The following RIMS1 variants were observed in gnomAD, a reference collection of about 807,000 sequenced individuals.
RIMS1 encodes the protein regulating synaptic membrane exocytosis 1, also known as regulating synaptic membrane exocytosis protein 1.
In RIMS1, 83 loss-of-function variants were observed where a neutral mutation model predicts 214.1. The ratio of observed to expected loss-of-function variants is 0.39; its 90% CI spans 0.32 to 0.47. RIMS1 has a LOEUF of 0.47. Ranked by LOEUF, RIMS1 falls within the 20% of genes least tolerant of loss-of-function variation. RIMS1 has a pLI of 0.99. For synonymous variants in RIMS1, 793 were observed against 786.8 expected (o/e 1.01, Z -0.13); for missense variants, 2,050 against 2,161.8 (o/e 0.95, Z 1.03).
chr6:72,340,877 A>G (rs995117197), intron 29 of RIMS1, among the ~76,000 whole-genome samples: 2 of 152,028 alleles, frequency 1.3e-5, no homozygotes, highest in African/African-American at 2.4e-5. Flanking sequence ...CTTGGGCAGT[A>G]TGGCCATTTT....
In RIMS1 at chr6:72,166,067, G is replaced by A. The variant is rs150374204; in HGVS notation, c.472-13508G>A. On this transcript the variant is annotated intron_variant, in intron 4 of 33. Transcript: ENST00000521978. ...TTCTCACAGTTCTGGAGACTGAGAA[G>A]TCCAATAACAAGGTGCCAACAGGGT... 2.5e-4 allele frequency among the ~76,000 whole-genome samples: 38 copies of A among 152,308 alleles called. 1 individual carries two copies. In the East Asian group the frequency reaches 6.4e-3, roughly 26 times the overall value.
intron 2 of RIMS1, among the ~76,000 whole-genome samples, chr6:72,008,493 T>C (rs1246354932): frequency 6.6e-6 from 1 of 152,154 alleles, no homozygotes; most frequent in Non-Finnish European, 1.5e-5. Flanking sequence ...TCAATGTAAA[T>C]GGGCTAAATG....
intron 2 of RIMS1, among the ~76,000 whole-genome samples, chr6:72,055,482 A>G (rs768192541): frequency 6.6e-6 from 1 of 152,134 alleles, no homozygotes; most frequent in Non-Finnish European, 1.5e-5. Flanking sequence ...TTCTCTTCCT[A>G]TTTAGATGCT....
rs1276047079 is a variant in RIMS1, at chr6:72,182,854, C to T, written c.1383C>T (p.Ala461=). Residue 461 remains alanine, a synonymous_variant, in exon 6 of 34, where the codon GCC becomes GCT. Coordinates refer to ENST00000521978, the MANE Select transcript of RIMS1 (RefSeq NM_014989.7). The part of the protein sequence containing the change: ...APRHGPVPAE[A]PELKAQEPLR... ...GACATGGGCCGGTTCCCGCAGAAGC[C>T]CCGGAGCTCAAAGCCCAGGAGCCCC... 3.6e-5 allele frequency: 56 copies of T among 1,556,730 alleles called. No homozygotes were observed. Among genetic ancestry groups the T allele is most frequent in the Non-Finnish European group, 4.7e-5 (54 of 1,152,830 alleles).
chr6:71,961,700 C>G (rs1792997188), intron 1 of RIMS1, among the ~76,000 whole-genome samples: 1 of 151,876 alleles, frequency 6.6e-6, no homozygotes, highest in Non-Finnish European at 1.5e-5. Context: ...GCTTCCTCTT[C>G]TAGAAATTCC....
At chr6:71,893,754 G>C (rs1281094025) in intron 1 of RIMS1, among the ~76,000 whole-genome samples, 1 of 152,160 alleles carries the variant, frequency 6.6e-6, no homozygotes, top group African/African-American at 2.4e-5. Context: ...GCAAGAGGGG[G>C]TTATTCTGCA....
intron 4 of RIMS1, among the ~76,000 whole-genome samples, chr6:72,115,101 C>A (rs1419403960): frequency 1.3e-5 from 2 of 151,904 alleles, no homozygotes; most frequent in Non-Finnish European, 2.9e-5. Flanking sequence ...GTTTCTGTTT[C>A]ATGAATGTTT....
chr6:72,281,819 T>G (rs1472747971), intron 23 of RIMS1, among the ~76,000 whole-genome samples: 1 of 152,128 alleles, frequency 6.6e-6, no homozygotes, highest in Non-Finnish European at 1.5e-5. Context: ...AACTCCCACC[T>G]TCTTACCCTG....
chr6:72,303,684 A>T (rs890531435), intron 26 of RIMS1, among the ~76,000 whole-genome samples: 7 of 151,600 alleles, frequency 4.6e-5, no homozygotes, highest in South Asian at 2.1e-4. Flanking sequence ...GATTAATATT[A>T]AAAAAGCCAT....
At chr6:71,972,780 A>C (rs9342908) in intron 2 of RIMS1, among the ~76,000 whole-genome samples, 60,031 of 152,000 alleles carry the variant, frequency 0.39, 12,240 homozygotes, top group East Asian at 0.53. Flanking sequence ...AGGAGAAGAT[A>C]GATAATCAAA....
chr6:72,366,752 A>G (rs2098040554), intron 29 of RIMS1: 5 of 985,864 alleles, frequency 5.1e-6, no homozygotes, highest in Non-Finnish European at 6.0e-6. Context: ...GCTCAGACAG[A>G]TATTCCAGCC....
intron 2 of RIMS1, among the ~76,000 whole-genome samples, chr6:72,009,530 C>A (rs1000817486): frequency 4.0e-5 from 6 of 151,108 alleles, no homozygotes; most frequent in African/African-American, 7.3e-5. Flanking sequence ...ATCAATTAAT[C>A]CAGGAGCTGG....
chr6:72,307,246 G>T lies in RIMS1; in HGVS notation c.3851-12G>T. On this transcript the variant is annotated splice_polypyrimidine_tract_variant and intron_variant, in intron 26 of 33. Coordinates refer to ENST00000521978, the MANE Select transcript of RIMS1 (RefSeq NM_014989.7). ...ACATGTTTTAATAGGCTTCCATTATGTGTTTTTGCAGCAAGCTTAGTAGTG... is the reference window on the plus strand; with the variant it reads ...ACATGTTTTAATAGGCTTCCATTATTTGTTTTTGCAGCAAGCTTAGTAGTG... 6.4e-7 allele frequency: 1 copy of T among 1,558,926 alleles called. No homozygotes were observed. The highest frequency in any genetic ancestry group is 1.2e-5 in the South Asian group (1 of 85,794).
intron 2 of RIMS1, among the ~76,000 whole-genome samples, chr6:72,079,057 A>G (rs1832628936): frequency 1.3e-5 from 2 of 152,166 alleles, no homozygotes; most frequent in African/African-American, 4.8e-5. Flanking sequence ...TAAGAGTTGG[A>G]GCTGTTTTTA....
intron 6 of RIMS1, among the ~76,000 whole-genome samples, chr6:72,230,248 T>C (rs2061527841): frequency 6.6e-6 from 1 of 151,892 alleles, no homozygotes; most frequent in East Asian, 1.9e-4. Context: ...ATCTTAGAAT[T>C]GGTTTGAATT....
intron 25 of RIMS1, among the ~76,000 whole-genome samples, chr6:72,291,256 G>T (rs1034083027): frequency 6.6e-6 from 1 of 152,132 alleles, no homozygotes; most frequent in South Asian, 2.1e-4. Context: ...AGTGTTAAGA[G>T]TGTTTTAAAG....
At chr6:71,909,742 A>G (rs924695378) in intron 1 of RIMS1, among the ~76,000 whole-genome samples, 2 of 152,262 alleles carry the variant, frequency 1.3e-5, no homozygotes, top group Admixed American at 1.3e-4. Flanking sequence ...TTTTTAATTT[A>G]TCTGAAGTGG....
At chr6:72,343,936 T>C (rs2097181037) in intron 29 of RIMS1, among the ~76,000 whole-genome samples, 1 of 151,802 alleles carries the variant, frequency 6.6e-6, no homozygotes, top group African/African-American at 2.4e-5. Flanking sequence ...CTTGTTCTAC[T>C]GTCAAGAAAT....
At chr6:72,098,697 AATATTT>A (rs1234313343) in intron 3 of RIMS1, among the ~76,000 whole-genome samples, 1 of 152,210 alleles carries the variant, frequency 6.6e-6, no homozygotes, top group East Asian at 1.9e-4. Flanking sequence ...ACTGGATAGT[AATATTT>A]ACCTTGTATG....
Sources: allele counts gnomAD v4.1 joint callset (sites outside exome capture counted in the v4.1 genomes callset), GRCh38; gene constraint gnomAD v4.1.1; transcripts MANE v1.5; gene names NCBI Gene and HGNC (gene_info 2026-07-23, HGNC 2026-07-21).